The following FAM81A variants were observed in gnomAD, a reference collection of about 807,000 sequenced individuals.
FAM81A encodes the protein family with sequence similarity 81 member A.
In FAM81A, 19 loss-of-function variants were observed where a neutral mutation model predicts 46.7. The ratio of observed to expected loss-of-function variants is 0.41; its 90% CI spans 0.28 to 0.60. FAM81A has a LOEUF of 0.60. Ranked by LOEUF, FAM81A falls within the 20% of genes least tolerant of loss-of-function variation. The probability of loss-of-function intolerance (pLI) is 0.34; values close to 1 mark genes in which losing one functional copy is unlikely to be tolerated. For synonymous variants in FAM81A, 183 were observed against 152.9 expected (o/e 1.20, Z -1.45); for missense variants, 377 against 453.5 (o/e 0.83, Z 1.53).
In FAM81A at chr15:59,459,181, G is replaced by A. The variant is rs578200262; in HGVS notation, c.20+535G>A. On this transcript the variant is annotated intron_variant, in intron 2 of 8. Coordinates refer to ENST00000288228, the MANE Select transcript of FAM81A (RefSeq NM_152450.3). ...AGCTAATTTTTAAATAATTTTTTTT[G>A]TAGAGATAGGGTCTCGTTGTGTTGC... Among the ~76,000 whole-genome samples the A allele has an allele frequency of 2.0e-5, 3 of 152,016 alleles. No individual in the cohort carries two copies. The East Asian group carries it at 5.8e-4, about 29-fold the overall frequency.
chr15:59,440,708 C>T lies in FAM81A; in HGVS notation c.-78+2426C>T, dbSNP rs563552407. Among the ~76,000 whole-genome samples the T allele has an allele frequency of 1.9e-4, 29 of 152,328 alleles. No individual in the cohort carries two copies. In the South Asian group the frequency reaches 4.8e-3, roughly 25 times the overall value. On this transcript the variant is annotated intron_variant, in intron 1 of 8. Transcript: ENST00000288228. Reference sequence around the variant, plus strand: ...ACATACTGCTCTGGATTTTAACCATCGCTGAGGACCCTGGTCCCTTAAGCA... The same window carrying T: ...ACATACTGCTCTGGATTTTAACCATTGCTGAGGACCCTGGTCCCTTAAGCA...
intron 1 of FAM81A, chr15:59,445,640 A>T (rs1464766458): frequency 6.6e-6 from 1 of 152,216 alleles, no homozygotes; most frequent in Non-Finnish European, 1.5e-5. Flanking sequence ...TCTTTCTTCT[A>T]AGCCTAAATT....
intron 1 of FAM81A, among the ~76,000 whole-genome samples, chr15:59,439,347 T>C (rs1483480195): frequency 6.6e-6 from 1 of 151,546 alleles, no homozygotes; most frequent in Non-Finnish European, 1.5e-5. Flanking sequence ...ATTTGCACAT[T>C]GTATCTGCCT....
chr15:59,451,394 C>T (rs369463588), intron 1 of FAM81A, among the ~76,000 whole-genome samples: 9 of 152,180 alleles, frequency 5.9e-5, no homozygotes, highest in African/African-American at 2.2e-4. Context: ...AATGCATCCC[C>T]CTCTATTATA....
At chr15:59,473,603 C>G (rs975803855) in intron 3 of FAM81A, among the ~76,000 whole-genome samples, 1 of 152,178 alleles carries the variant, frequency 6.6e-6, no homozygotes, top group Non-Finnish European at 1.5e-5. Context: ...TGTGGGAACT[C>G]AGCTCTGTTC....
At chr15:59,492,759 G>A (rs185376187) in intron 4 of FAM81A, among the ~76,000 whole-genome samples, 276 of 152,144 alleles carry the variant, frequency 1.8e-3, no homozygotes, top group Non-Finnish European at 3.1e-3. Flanking sequence ...TTTTATTTTC[G>A]GAAAGTATTG....
At chr15:59,497,040 C>T (rs866400646) in intron 4 of FAM81A, among the ~76,000 whole-genome samples, 7 of 151,738 alleles carry the variant, frequency 4.6e-5, no homozygotes, top group Non-Finnish European at 8.8e-5. Flanking sequence ...GCAGGAGAAT[C>T]GCTTGAACCT....
chr15:59,411,361 A>C (rs2081119828), intron 2 of FAM81A, among the ~76,000 whole-genome samples: 1 of 152,176 alleles, frequency 6.6e-6, no homozygotes, highest in South Asian at 2.1e-4. Flanking sequence ...AGAAACAAAG[A>C]GGTATATATG....
chr15:59,426,387 C>A (rs1213086976), intron 2 of FAM81A, among the ~76,000 whole-genome samples: 5 of 152,152 alleles, frequency 3.3e-5, no homozygotes, highest in African/African-American at 1.2e-4. Context: ...TGGGCGATCA[C>A]CTGAGGTTGG....
intron 3 of FAM81A, among the ~76,000 whole-genome samples, chr15:59,474,251 A>C (rs568914462): frequency 8.5e-5 from 13 of 152,320 alleles, no homozygotes; most frequent in South Asian, 2.1e-4. Flanking sequence ...AAATGCGGTG[A>C]ATGCTGTCAT....
intron 1 of FAM81A, among the ~76,000 whole-genome samples, chr15:59,440,918 C>T (rs2081290678): frequency 6.6e-6 from 1 of 152,164 alleles, no homozygotes; most frequent in Admixed American, 6.5e-5. Context: ...TCCCAGCCTG[C>T]CACATTATCT....
At chr15:59,422,742 C>T (rs1354703841) in intron 2 of FAM81A, among the ~76,000 whole-genome samples, 2 of 152,138 alleles carry the variant, frequency 1.3e-5, no homozygotes, top group Non-Finnish European at 2.9e-5. Context: ...TCCCAAAGTG[C>T]TGGGATTACA....
chr15:59,503,592 T>G (rs2082118332), intron 4 of FAM81A, among the ~76,000 whole-genome samples: 1 of 151,972 alleles, frequency 6.6e-6, no homozygotes, highest in African/African-American at 2.4e-5. Context: ...TTTTTTTTTT[T>G]GACAGAGTCT....
chr15:59,429,659 G>A (rs2081210993), intron 2 of FAM81A, among the ~76,000 whole-genome samples: 1 of 152,108 alleles, frequency 6.6e-6, no homozygotes, highest in Admixed American at 6.5e-5. Context: ...CAATGAATTA[G>A]CAATAACTTT....
upstream of FAM81A, among the ~76,000 whole-genome samples, chr15:59,436,571 A>C (rs1237663946): frequency 6.6e-6 from 1 of 152,174 alleles, no homozygotes; most frequent in Non-Finnish European, 1.5e-5. Context: ...ACTCTTGGTG[A>C]TGGACTCTAG....
chr15:59,491,662 T>C (rs1011859368), intron 3 of FAM81A, among the ~76,000 whole-genome samples: 1 of 152,126 alleles, frequency 6.6e-6, no homozygotes. Flanking sequence ...CATGCCTGTA[T>C]CAAAATAGCC....
At chr15:59,487,469 A>G (rs1165132482) in intron 3 of FAM81A, among the ~76,000 whole-genome samples, 2 of 151,642 alleles carry the variant, frequency 1.3e-5, no homozygotes, top group Admixed American at 6.6e-5. Flanking sequence ...AATGAAACAA[A>G]AAGTTGGGTT....
intron 1 of FAM81A, among the ~76,000 whole-genome samples, chr15:59,450,168 C>T (rs1319187690): frequency 1.3e-5 from 2 of 149,120 alleles, no homozygotes; most frequent in Non-Finnish European, 3.0e-5. Flanking sequence ...TGGGTTCAAG[C>T]CATCTGCCGC....
chr15:59,517,035 G>C (rs1286514857), intron 8 of FAM81A, among the ~76,000 whole-genome samples, 195 bp downstream of exon 8: 1 of 152,128 alleles, frequency 6.6e-6, no homozygotes, highest in Non-Finnish European at 1.5e-5. Flanking sequence ...TATATAAAGA[G>C]CCACCGTGAG....
Sources: allele counts gnomAD v4.1 joint callset (sites outside exome capture counted in the v4.1 genomes callset), GRCh38; gene constraint gnomAD v4.1.1; transcripts MANE v1.5; gene names NCBI Gene and HGNC (gene_info 2026-07-23, HGNC 2026-07-21).